GGT1: variants seen among roughly 807,000 people sequenced by gnomAD.
GGT1 encodes the protein gamma-glutamyltransferase 1.
GGT1 carries 21 observed loss-of-function variants against 56.0 expected under a neutral mutation model. The ratio of observed to expected loss-of-function variants is 0.38; its 90% CI spans 0.27 to 0.54. The LOEUF (loss-of-function observed/expected upper bound fraction) is 0.54. Ranked by LOEUF, GGT1 falls within the 20% of genes least tolerant of loss-of-function variation. The pLI is 0.82. For missense variants in GGT1, 466 were observed against 787.0 expected (o/e 0.59, Z 4.88); for synonymous variants, 238 against 342.6 (o/e 0.69, Z 3.37).
At chr22:24,585,395 C>G in the GGT1 span, among the ~76,000 whole-genome samples, 1 of 152,336 alleles carries the variant, frequency 6.6e-6, no homozygotes, top group Non-Finnish European at 1.5e-5. Context: ...GGAGCCCAAG[C>G]CCTGCCCAGA....
Position 24,606,358 on chromosome 22 carries a change from A to G in GGT1, c.-428-1596A>G, listed in dbSNP as rs569026072. 2.4e-4 allele frequency among the ~76,000 whole-genome samples: 36 copies of G among 151,832 alleles called. 1 individual carries two copies. In the South Asian group the frequency reaches 6.7e-3, roughly 28 times the overall value. On this transcript the variant is annotated intron_variant, in intron 1 of 15. Transcript: ENST00000400382. ...TGTGTCCAAGTGTTCTCATTGTTTAATTCCAACCTATGAGTGAGAACATGC... is the reference window on the plus strand; with the variant it reads ...TGTGTCCAAGTGTTCTCATTGTTTAGTTCCAACCTATGAGTGAGAACATGC...
chr22:24,618,660 A>G (rs1376465090), intron 7 of GGT1, among the ~76,000 whole-genome samples: 1 of 152,226 alleles, frequency 6.6e-6, no homozygotes, highest in Non-Finnish European at 1.5e-5. Context: ...GGTGGAAGGA[A>G]TCATGTGCTG....
At chr22:24,627,107 T>C (rs1168734771) in intron 11 of GGT1, 12 of 651,050 alleles carry the variant, frequency 1.8e-5, no homozygotes, top group Non-Finnish European at 2.9e-5. Flanking sequence ...TAAGTGTCTG[T>C]TCCCTGTTGA....
the GGT1 span, among the ~76,000 whole-genome samples, chr22:24,587,349 C>T: frequency 6.6e-6 from 1 of 152,200 alleles, no homozygotes; most frequent in Non-Finnish European, 1.5e-5. Flanking sequence ...CCCCCGCCCC[C>T]ACCAACCCTC....
chr22:24,613,751 G>GA (rs1183814203), intron 5 of GGT1, among the ~76,000 whole-genome samples: 5,730 of 120,018 alleles, frequency 0.048, 381 homozygotes, highest in African/African-American at 0.17. Context: ...CTCCCTCTCA[G>GA]AAAAAAAAAA....
intron 11 of GGT1, among the ~76,000 whole-genome samples, chr22:24,626,504 A>T (rs560645064): frequency 2.3e-4 from 33 of 144,044 alleles, no homozygotes; most frequent in African/African-American, 7.7e-4. Context: ...TTATTTATTT[A>T]TTTTTTTTAA....
upstream of GGT1, among the ~76,000 whole-genome samples, chr22:24,590,807 T>TA (rs977402535): frequency 2.4e-4 from 37 of 152,092 alleles, no homozygotes; most frequent in African/African-American, 8.4e-4. Flanking sequence ...CCCAGCTCAG[T>TA]ATAGGGCACC....
chr22:24,593,222 C>A, upstream of GGT1: 1 of 522,872 alleles, frequency 1.9e-6, no homozygotes, highest in Non-Finnish European at 2.5e-6. Flanking sequence ...TTGGCCTGAT[C>A]ACACTGGAGG....
the GGT1 span, chr22:24,589,470 G>A: frequency 1.9e-4 from 131 of 695,976 alleles, no homozygotes; most frequent in African/African-American, 1.4e-3. Context: ...GTTTGTTTCC[G>A]TTGGTGGATT....
At chr22:24,592,552 C>T (rs568752622), upstream of GGT1, 68 of 446,788 alleles carry the variant, frequency 1.5e-4, no homozygotes, top group African/African-American at 1.2e-3. Context: ...TCCAGGCTAC[C>T]GGGCCACCCT....
chr22:24,584,907 C>A, the GGT1 span, among the ~76,000 whole-genome samples: 1 of 151,962 alleles, frequency 6.6e-6, no homozygotes, highest in Non-Finnish European at 1.5e-5. Flanking sequence ...GGGAGCCCAC[C>A]CTGATGGTGC....
chr22:24,622,626 G>T (rs2047501042), intron 9 of GGT1, among the ~76,000 whole-genome samples: 1 of 152,010 alleles, frequency 6.6e-6, no homozygotes, highest in Non-Finnish European at 1.5e-5. Flanking sequence ...GTGTAGTTGT[G>T]CCTTTAGTCT....
In GGT1 at chr22:24,628,319, C is replaced by T. The variant is rs769546148; in HGVS notation, c.1494C>T (p.Ala498=). ...GGTTCGGCTATGACGTGAAGCGGGC[C>T]GTGGAGGAGCCCCGGCTGCACAACC... The part of the protein sequence containing the change: ...NLWFGYDVKR[A]VEEPRLHNQL... The change falls in exon 15 of 16, where the codon GCC becomes GCT. Residue 498 remains alanine, a synonymous_variant. Transcript: ENST00000400382. This position sits in a 1 kb window ranked among gnomAD's most constrained non-coding sequence, Gnocchi z 5.7. 4.3e-6 allele frequency: 7 copies of T among 1,611,664 alleles called. No homozygotes were observed. The highest frequency in any genetic ancestry group is 3.4e-6 in the Non-Finnish European group (4 of 1,179,832).
intron 7 of GGT1, among the ~76,000 whole-genome samples, chr22:24,619,019 T>G (rs1214912116): frequency 2.8e-4 from 43 of 151,790 alleles, no homozygotes; most frequent in Middle Eastern, 3.4e-3. Flanking sequence ...CATGTTGGGA[T>G]GCTGAGGTGG....
In GGT1 at chr22:24,623,920, A is replaced by T. The variant is rs1194509378; in HGVS notation, c.1020+4A>T. The T allele has an allele frequency of 1.6e-5, 25 of 1,609,322 alleles. No individual in the cohort carries two copies. Among genetic ancestry groups the T allele is most frequent in the Non-Finnish European group, 2.1e-5 (25 of 1,178,826 alleles). The stretch of plus-strand genomic sequence containing the variant: ...CAAGTTTGTGGATGTGACTGAGGTA[A>T]GGGGCAGGGGCTGGCCCACTGTGGG... On this transcript the variant is annotated splice_donor_region_variant and intron_variant, in intron 11 of 15. Transcript: ENST00000400382.
chr22:24,619,146 C>T (rs2047250622), intron 7 of GGT1, among the ~76,000 whole-genome samples: 1 of 152,020 alleles, frequency 6.6e-6, no homozygotes, highest in Admixed American at 6.6e-5. Flanking sequence ...GCCTGTAATC[C>T]CAGAACTCTG....
chr22:24,586,979 G>C, the GGT1 span, among the ~76,000 whole-genome samples: 2 of 152,196 alleles, frequency 1.3e-5, no homozygotes, highest in African/African-American at 4.8e-5. Context: ...AAATCTCACT[G>C]TGTGCCCAGC....
chr22:24,599,599 GGGAGCAGCT>G (rs1202405019), upstream of GGT1, among the ~76,000 whole-genome samples: 1 of 152,118 alleles, frequency 6.6e-6, no homozygotes, highest in Non-Finnish European at 1.5e-5. Flanking sequence ...TTATAGAGGT[GGGAGCAGCT>G]GGACAGGCCC....
At chr22:24,604,728 A>G (rs1415657534) in intron 1 of GGT1, among the ~76,000 whole-genome samples, 4 of 151,814 alleles carry the variant, frequency 2.6e-5, no homozygotes, top group Non-Finnish European at 4.4e-5. Context: ...TTCAGGGGGT[A>G]GAGGGCTGAC....
Sources: allele counts gnomAD v4.1 joint callset (sites outside exome capture counted in the v4.1 genomes callset), GRCh38; gene constraint gnomAD v4.1.1; non-coding constraint Gnocchi (gnomAD v3.1); transcripts MANE v1.5; gene names NCBI Gene and HGNC (gene_info 2026-07-23, HGNC 2026-07-21).